Variants in FHIT observed in about 807,000 individuals in gnomAD.
FHIT encodes bis(5'-adenosyl)-triphosphatase.
FHIT carries 19 observed loss-of-function variants against 17.9 expected under a neutral mutation model. The ratio of observed to expected loss-of-function variants is 1.06; its 90% CI spans 0.74 to 1.56. The LOEUF (loss-of-function observed/expected upper bound fraction) is 1.56, where lower values mean the gene tolerates loss of function less well. Among genes scored for constraint, FHIT ranks in the 40% most tolerant of loss-of-function variants. The pLI is 0.00. For missense variants in FHIT, 248 were observed against 189.2 expected, an observed-to-expected ratio of 1.31 and a Z score of -1.82; for synonymous variants, 81 against 69.7, an observed-to-expected ratio of 1.16 and a Z score of -0.81.
intron 5 of FHIT, among the ~76,000 whole-genome samples, chr3:60,155,028 CAGT>C (rs1700620096): frequency 6.6e-6 from 1 of 151,844 alleles, no homozygotes; most frequent in Non-Finnish European, 1.5e-5. Flanking sequence ...AGTGAGATCC[CAGT>C]TTTACAAAAA....
intron 1 of FHIT, among the ~76,000 whole-genome samples, chr3:61,211,051 G>C (rs62268422): frequency 6.6e-6 from 1 of 151,802 alleles, no homozygotes; most frequent in African/African-American, 2.4e-5. Flanking sequence ...AAACAGCTCC[G>C]GTCTACAGCT....
chr3:61,247,507 T>C (rs1355904701), intron 1 of FHIT, among the ~76,000 whole-genome samples: 2 of 152,176 alleles, frequency 1.3e-5, no homozygotes, highest in East Asian at 1.9e-4. Flanking sequence ...ATTTAATATA[T>C]AGGTGGAACC....
At chr3:60,191,618 T>C (rs765593608) in intron 5 of FHIT, among the ~76,000 whole-genome samples, 10 of 152,130 alleles carry the variant, frequency 6.6e-5, no homozygotes, top group African/African-American at 1.4e-4. Flanking sequence ...TTATATGACA[T>C]TGCAAATTCA....
rs75849615 is a variant in FHIT, at chr3:60,502,065, G to A, written c.103+34795C>T. ...GCAATCAAGGGGGTCTAGGTTGTCA[G>A]TGATGTGAAAAATTGCCTTCTTTGG... On this transcript the variant is annotated intron_variant, in intron 5 of 9. Coordinates refer to ENST00000492590, the MANE Select transcript of FHIT (RefSeq NM_002012.4). 4.3e-3 allele frequency among the ~76,000 whole-genome samples: 660 copies of A among 152,306 alleles called. 1 individual carries two copies. Among genetic ancestry groups the A allele is most frequent in the Non-Finnish European group, 7.3e-3 (499 of 68,026 alleles).
At chr3:60,885,721 C>G (rs766187353) in intron 3 of FHIT, among the ~76,000 whole-genome samples, 4 of 152,262 alleles carry the variant, frequency 2.6e-5, no homozygotes, top group Middle Eastern at 3.4e-3. Flanking sequence ...ATTATGGCAA[C>G]AAGTCTTTTA....
chr3:60,382,835 G>A (rs1242159936), intron 5 of FHIT, among the ~76,000 whole-genome samples: 1 of 152,138 alleles, frequency 6.6e-6, no homozygotes, highest in Non-Finnish European at 1.5e-5. Context: ...CATGCATTTG[G>A]AATTACATAG....
chr3:60,706,474 G>A (rs1329214045), intron 4 of FHIT, among the ~76,000 whole-genome samples: 1 of 152,298 alleles, frequency 6.6e-6, no homozygotes, highest in Non-Finnish European at 1.5e-5. Flanking sequence ...ATTCACAGTG[G>A]TGTTGAAAGA....
Position 60,443,173 on chromosome 3 carries a change from G to A in FHIT, c.103+93687C>T, listed in dbSNP as rs1282888832. ...GCCTATCAGCTTAAGGAGATTTTGG[G>A]CTGAGACGATGGGGTTTTCTAGATA... On this transcript the variant is annotated intron_variant, in intron 5 of 9. Coordinates refer to ENST00000492590, the MANE Select transcript of FHIT (RefSeq NM_002012.4). Among the ~76,000 whole-genome samples, 3 of 152,236 alleles carry A rather than the reference G, an allele frequency of 2.0e-5. No individual in the cohort carries two copies. In the East Asian group the frequency reaches 5.8e-4, roughly 29 times the overall value.
intron 5 of FHIT, among the ~76,000 whole-genome samples, chr3:60,112,666 G>C (rs1030650872): frequency 1.3e-5 from 2 of 152,192 alleles, no homozygotes; most frequent in African/African-American, 4.8e-5. Context: ...TCTGAGAAAT[G>C]ATGCTTTTAG....
chr3:61,102,483 G>A (rs1405149217), intron 2 of FHIT, among the ~76,000 whole-genome samples: 5 of 152,104 alleles, frequency 3.3e-5, no homozygotes, highest in African/African-American at 7.2e-5. Context: ...TTTCTGCATC[G>A]ATGTTCATTA....
chr3:60,905,733 T>C (rs979107320), intron 3 of FHIT, among the ~76,000 whole-genome samples: 1 of 152,200 alleles, frequency 6.6e-6, no homozygotes, highest in African/African-American at 2.4e-5. Context: ...AGAGTATACA[T>C]AGCATGCTAA....
chr3:60,139,412 G>T (rs1430063404), intron 5 of FHIT, among the ~76,000 whole-genome samples: 1 of 152,036 alleles, frequency 6.6e-6, no homozygotes, highest in Non-Finnish European at 1.5e-5. Flanking sequence ...ACTAAGTGAA[G>T]AGTGCATTTG....
At chr3:61,213,732 C>G (rs1478490068) in intron 1 of FHIT, among the ~76,000 whole-genome samples, 1 of 152,142 alleles carries the variant, frequency 6.6e-6, no homozygotes, top group Non-Finnish European at 1.5e-5. Context: ...CACACCTATT[C>G]CAAAATTGAC....
chr3:59,912,445 A>G (rs1250208296), intron 8 of FHIT, among the ~76,000 whole-genome samples: 1 of 152,242 alleles, frequency 6.6e-6, no homozygotes, highest in Non-Finnish European at 1.5e-5. Context: ...CAGAGAAGCC[A>G]GCTGAAATTT....
At chr3:60,893,568 C>T (rs1705627137) in intron 3 of FHIT, among the ~76,000 whole-genome samples, 1 of 152,180 alleles carries the variant, frequency 6.6e-6, no homozygotes, top group Non-Finnish European at 1.5e-5. Context: ...CATACTCTTT[C>T]CTGATAGTTT....
At chr3:60,377,347 C>T (rs1011504018) in intron 5 of FHIT, among the ~76,000 whole-genome samples, 6 of 150,850 alleles carry the variant, frequency 4.0e-5, no homozygotes, top group Non-Finnish European at 7.4e-5. Flanking sequence ...TTAGTAGAGA[C>T]GGGGTTTCAC....
At chr3:61,059,456 G>T (rs956613899) in intron 2 of FHIT, among the ~76,000 whole-genome samples, 1 of 150,268 alleles carries the variant, frequency 6.7e-6, no homozygotes, top group Admixed American at 6.6e-5. Context: ...TTAATTTGGG[G>T]TGTCTGGTTA....
chr3:60,715,915 G>T (rs1278178999), intron 4 of FHIT, among the ~76,000 whole-genome samples: 2 of 152,128 alleles, frequency 1.3e-5, no homozygotes, highest in African/African-American at 4.8e-5. Context: ...GGATCACCAG[G>T]AGTCTGTGAA....
intron 5 of FHIT, among the ~76,000 whole-genome samples, chr3:60,318,993 T>C (rs1271324012): frequency 1.3e-5 from 2 of 152,150 alleles, no homozygotes; most frequent in African/African-American, 2.4e-5. Flanking sequence ...TGTTGTCACA[T>C]GGCCTGCTCT....
Sources: allele counts gnomAD v4.1 joint callset (sites outside exome capture counted in the v4.1 genomes callset), GRCh38; gene constraint gnomAD v4.1.1; transcripts MANE v1.5; gene names NCBI Gene and HGNC (gene_info 2026-07-23, HGNC 2026-07-21).